Variants in SEPTIN9 observed in about 807,000 individuals in gnomAD.
The protein encoded by SEPTIN9 is septin 9.
In SEPTIN9, 13 loss-of-function variants were observed where a neutral mutation model predicts 56.6. The observed-to-expected ratio is 0.23, with a 90% CI of 0.15 to 0.37. The LOEUF (loss-of-function observed/expected upper bound fraction) is 0.37, where lower values mean the gene tolerates loss of function less well. Ranked by LOEUF, SEPTIN9 falls within the 10% of genes least tolerant of loss-of-function variation. SEPTIN9 has a pLI of 1.00. For synonymous variants in SEPTIN9, 332 were observed against 334.1 expected (o/e 0.99, Z 0.07); for missense variants, 650 against 823.1 (o/e 0.79, Z 2.57).
chr17:77,321,516 C>T (rs2032927449), intron 2 of SEPTIN9, among the ~76,000 whole-genome samples: 1 of 151,898 alleles, frequency 6.6e-6, no homozygotes, highest in African/African-American at 2.4e-5. Flanking sequence ...TCTCCTGCCT[C>T]AGCCTCCCAA....
intron 6 of SEPTIN9, 111 bp downstream of exon 6, chr17:77,488,432 C>T: frequency 8.0e-6 from 8 of 1,005,440 alleles, no homozygotes; most frequent in South Asian, 1.3e-5. Context: ...GGGCCCACCT[C>T]CTGGGACCTG....
Position 77,405,021 on chromosome 17 carries a change from T to G in SEPTIN9, c.721+2318T>G. 1 of 1,482,164 alleles carries G rather than the reference T, an allele frequency of 6.7e-7. No individual in the cohort carries two copies. Among genetic ancestry groups the G allele is most frequent in the Non-Finnish European group, 9.1e-7 (1 of 1,102,308 alleles). 91.8% of individuals were successfully genotyped at this position (1,482,164 alleles called of 1,614,324 possible). Reference sequence around the variant, plus strand: ...TACACCCCCATCCTGGGTTGATGTGTTCACACTCAGCTGAGTCAAACAGGA... The same window carrying G: ...TACACCCCCATCCTGGGTTGATGTGGTCACACTCAGCTGAGTCAAACAGGA... On this transcript the variant is annotated intron_variant, in intron 3 of 11. Transcript: ENST00000427177. The surrounding 1 kb of genome is among the most constrained non-coding windows in gnomAD (Gnocchi z 5.8).
chr17:77,419,079 G>T (rs1002019570), intron 3 of SEPTIN9, among the ~76,000 whole-genome samples: 3 of 152,180 alleles, frequency 2.0e-5, no homozygotes, highest in Admixed American at 6.5e-5. Flanking sequence ...CTTCTCTGCC[G>T]ATGTTCCTGA....
Position 77,498,855 on chromosome 17 carries a change from T to G in SEPTIN9, c.*197T>G. ...TGATGAGGCCGCGGCCTCCCCGAGGTTGTGGGGAGGCTGCACTGGAGCCAC... is the reference window on the plus strand; with the variant it reads ...TGATGAGGCCGCGGCCTCCCCGAGGGTGTGGGGAGGCTGCACTGGAGCCAC... On this transcript the variant is annotated 3_prime_UTR_variant, in exon 12 of 12. Coordinates refer to ENST00000427177, the MANE Select transcript of SEPTIN9 (RefSeq NM_001113491.2). 2 of 606,756 alleles carry G rather than the reference T, an allele frequency of 3.3e-6. No individual in the cohort carries two copies. The highest frequency in any genetic ancestry group is 6.2e-6 in the Non-Finnish European group (2 of 323,840). The allele number at this position is 606,756 out of a possible 1,614,324, so 37.6% of individuals were successfully genotyped here. A position where few individuals can be genotyped will look rare whatever the true frequency, so the allele number is the denominator to read the frequency against.
intron 2 of SEPTIN9, among the ~76,000 whole-genome samples, chr17:77,333,034 C>T (rs908082376): frequency 1.3e-5 from 2 of 152,180 alleles, no homozygotes; most frequent in African/African-American, 4.8e-5. Context: ...TAAGAAACTG[C>T]CAGATCTTTT....
At position 77,475,185 on chromosome 17, in the gene SEPTIN9, C is replaced by CCG; in HGVS notation, c.722-6959_722-6958insCG. 8.4e-7 allele frequency: 1 copy of CCG among 1,185,614 alleles called. No individual in the cohort carries two copies. The highest frequency in any genetic ancestry group is 1.1e-6 in the Non-Finnish European group (1 of 951,170). The allele number at this position is 1,185,614 out of a possible 1,614,324, so 73.4% of individuals were successfully genotyped here. ...TGAGCGTGATGGATGAGGTGTCTGG[C>CCG]TTCACAAACCCTGTGTGGGGGGGTT... On this transcript the variant is annotated intron_variant, in intron 3 of 11. Coordinates refer to ENST00000427177, the MANE Select transcript of SEPTIN9 (RefSeq NM_001113491.2). The surrounding 1 kb of genome is among the most constrained non-coding windows in gnomAD (Gnocchi z 4.6).
At chr17:77,494,556 G>A (rs1382687304) in intron 10 of SEPTIN9, among the ~76,000 whole-genome samples, 1 of 152,198 alleles carries the variant, frequency 6.6e-6, no homozygotes, top group Non-Finnish European at 1.5e-5. Context: ...AAAGACCACA[G>A]AGCTTTTTGG....
intron 1 of SEPTIN9, among the ~76,000 whole-genome samples, chr17:77,297,778 A>T (rs988220481): frequency 1.3e-5 from 2 of 152,258 alleles, no homozygotes; most frequent in Non-Finnish European, 2.9e-5. Flanking sequence ...GAATCAATGA[A>T]TTCATCAGTT....
chr17:77,324,196 C>A (rs2033048006), intron 2 of SEPTIN9, among the ~76,000 whole-genome samples: 1 of 152,220 alleles, frequency 6.6e-6, no homozygotes, highest in Non-Finnish European at 1.5e-5. Context: ...GATTTAGGGC[C>A]CACTGGGTAA....
chr17:77,493,536 C>T (rs997418015), intron 10 of SEPTIN9, among the ~76,000 whole-genome samples: 14 of 152,122 alleles, frequency 9.2e-5, no homozygotes, highest in South Asian at 2.1e-4. Flanking sequence ...TTAGCACAAA[C>T]GAGGGGACTT....
chr17:77,349,909 C>T (rs897888474), intron 2 of SEPTIN9, among the ~76,000 whole-genome samples: 1 of 152,236 alleles, frequency 6.6e-6, no homozygotes, highest in Admixed American at 6.5e-5. Flanking sequence ...TGGCAGTGGC[C>T]TCTCTGCCTT....
At chr17:77,398,860 T>C (rs1339316891) in intron 2 of SEPTIN9, among the ~76,000 whole-genome samples, 1 of 152,064 alleles carries the variant, frequency 6.6e-6, no homozygotes, top group Non-Finnish European at 1.5e-5. Flanking sequence ...CTAGTGGGCA[T>C]GGGAGTGGTG....
chr17:77,493,186 T>C, intron 10 of SEPTIN9, 110 bp downstream of exon 10: 1 of 808,812 alleles, frequency 1.2e-6, no homozygotes, highest in Admixed American at 2.1e-5. Flanking sequence ...CCTCATCCAC[T>C]GCCTTGCCCC....
intron 2 of SEPTIN9, among the ~76,000 whole-genome samples, chr17:77,337,793 A>G (rs1298269001): frequency 1.3e-5 from 2 of 152,196 alleles, no homozygotes; most frequent in East Asian, 3.8e-4. Context: ...ACTCATTTAA[A>G]GTTGTTCGTA....
chr17:77,494,580 TA>T (rs549357418), intron 10 of SEPTIN9, among the ~76,000 whole-genome samples: 1 of 152,112 alleles, frequency 6.6e-6, no homozygotes. Context: ...GCTGTTGCTC[TA>T]AAAAAATGGT....
rs2032593537 is a variant in SEPTIN9, at chr17:77,313,659, T to G, written c.76+6462T>G. On this transcript the variant is annotated intron_variant, in intron 2 of 11. Coordinates refer to ENST00000427177, the MANE Select transcript of SEPTIN9 (RefSeq NM_001113491.2). The surrounding 1 kb of genome is among the most constrained non-coding windows in gnomAD (Gnocchi z 4.5). ...GGGAGTCCAGGACGGAGCTCCTTCA[T>G]TTTTAATTCAGGGAAGCAAACTTCA... Among the ~76,000 whole-genome samples the G allele has an allele frequency of 6.6e-6, 1 of 152,100 alleles. No individual in the cohort carries two copies. Among genetic ancestry groups the G allele is most frequent in the Non-Finnish European group, 1.5e-5 (1 of 68,010 alleles).
In SEPTIN9 at chr17:77,475,838, G is replaced by C. The variant is rs1230226792; in HGVS notation, c.722-6306G>C. The C allele has an allele frequency of 6.2e-7, 1 of 1,613,548 alleles. No individual in the cohort carries two copies. The highest frequency in any genetic ancestry group is 1.1e-5 in the South Asian group (1 of 91,082). On this transcript the variant is annotated intron_variant, in intron 3 of 11. Coordinates refer to ENST00000427177, the MANE Select transcript of SEPTIN9 (RefSeq NM_001113491.2). This position sits in a 1 kb window ranked among gnomAD's most constrained non-coding sequence, Gnocchi z 4.6. The stretch of plus-strand genomic sequence containing the variant: ...CGTGGCCTGGTCAGTGGCTTCACAG[G>C]CCTCCGTGGGCAGGAGGAGGATGAC...
At chr17:77,383,534 T>C (rs1313673581) in intron 2 of SEPTIN9, among the ~76,000 whole-genome samples, 1 of 152,210 alleles carries the variant, frequency 6.6e-6, no homozygotes, top group Non-Finnish European at 1.5e-5. Flanking sequence ...AATCTCTGTC[T>C]ACTAGTCCTT....
chr17:77,479,725 CA>C (rs1224272749), intron 3 of SEPTIN9, among the ~76,000 whole-genome samples: 1 of 144,876 alleles, frequency 6.9e-6, no homozygotes, highest in Non-Finnish European at 1.5e-5. Context: ...AAGGAGAGTT[CA>C]GGGGGCAGCG....
Sources: allele counts gnomAD v4.1 joint callset (sites outside exome capture counted in the v4.1 genomes callset), GRCh38; gene constraint gnomAD v4.1.1; non-coding constraint Gnocchi (gnomAD v3.1); transcripts MANE v1.5; gene names NCBI Gene and HGNC (gene_info 2026-07-23, HGNC 2026-07-21).